Variants in DMXL1 observed in about 807,000 individuals in gnomAD.
DMXL1 encodes Dmx like 1, also known as dmX-like protein 1.
Under a neutral mutation model 319.2 loss-of-function variants are expected in DMXL1, and 99 were observed. The observed-to-expected ratio is 0.31, with a 90% CI of 0.26 to 0.37. The LOEUF (loss-of-function observed/expected upper bound fraction) is 0.37. Ranked by LOEUF, DMXL1 falls within the 10% of genes least tolerant of loss-of-function variation. DMXL1 has a pLI of 1.00. For missense variants in DMXL1, 3,745 were observed against 3,595.6 expected (o/e 1.04, Z -1.06); for synonymous variants, 1,385 against 1,235.2 (o/e 1.12, Z -2.54).
At chr5:119,179,856 A>G (rs1005433380) in intron 28 of DMXL1, among the ~76,000 whole-genome samples, 6 of 152,134 alleles carry the variant, frequency 3.9e-5, no homozygotes, top group Non-Finnish European at 1.5e-5. Context: ...GAATTTCTTT[A>G]TGTATAATAC....
At chr5:119,246,774 C>G (rs979952414) in intron 43 of DMXL1, among the ~76,000 whole-genome samples, 1 of 151,772 alleles carries the variant, frequency 6.6e-6, no homozygotes, top group African/African-American at 2.4e-5. Flanking sequence ...GCTGGGATTA[C>G]AGGCATGTGC....
At chr5:119,174,887 C>T (rs1775487201) in intron 25 of DMXL1, among the ~76,000 whole-genome samples, 1 of 152,140 alleles carries the variant, frequency 6.6e-6, no homozygotes. Flanking sequence ...GGTGAACTGT[C>T]AGTTATCAGG....
intron 42 of DMXL1, among the ~76,000 whole-genome samples, 158 bp downstream of exon 42, chr5:119,240,629 A>G (rs1788598495): frequency 6.6e-6 from 1 of 152,178 alleles, no homozygotes; most frequent in Non-Finnish European, 1.5e-5. Flanking sequence ...AAGATGCAAT[A>G]TACGTAATTA....
chr5:119,105,040 T>C (rs931866854), intron 3 of DMXL1, 140 bp from the exon 4 acceptor site: 3 of 589,684 alleles, frequency 5.1e-6, no homozygotes, highest in African/African-American at 1.9e-5. Flanking sequence ...TGTTCTCTAT[T>C]TTTGTTGACT....
At chr5:119,083,363 A>G (rs1189980695) in intron 1 of DMXL1, among the ~76,000 whole-genome samples, 1 of 152,152 alleles carries the variant, frequency 6.6e-6, no homozygotes, top group African/African-American at 2.4e-5. Context: ...TTCATTGTGT[A>G]CATATACTAC....
intron 10 of DMXL1, among the ~76,000 whole-genome samples, chr5:119,130,957 T>G (rs1377224644): frequency 6.6e-6 from 1 of 152,088 alleles, no homozygotes; most frequent in Non-Finnish European, 1.5e-5. Flanking sequence ...TGTATCTAAA[T>G]ATATGCTTTA....
chr5:119,080,017 T>C (rs1298794903), intron 1 of DMXL1, among the ~76,000 whole-genome samples: 1 of 152,220 alleles, frequency 6.6e-6, no homozygotes, highest in Non-Finnish European at 1.5e-5. Flanking sequence ...ATATTGATAA[T>C]TTTAAATACC....
In DMXL1 at chr5:119,110,423, A is replaced by T. The variant is rs574671004; in HGVS notation, c.497+140A>T. 1.0e-4 allele frequency: 72 copies of T among 695,136 alleles called. No homozygotes were observed. The African/African-American group carries it at 1.3e-3, about 13-fold the overall frequency. 43.1% of individuals were successfully genotyped at this position (695,136 alleles called of 1,614,324 possible). On this transcript the variant is annotated intron_variant, in intron 5 of 43. Coordinates refer to ENST00000539542, the MANE Select transcript of DMXL1 (RefSeq NM_001290321.3). ...CTATGATATGCTTTTTCTTATACACAGATAATTCTCTATTTCCCGTGTTCT... is the reference window on the plus strand; with the variant it reads ...CTATGATATGCTTTTTCTTATACACTGATAATTCTCTATTTCCCGTGTTCT...
At position 119,101,880 on chromosome 5, in the gene DMXL1, T is replaced by C. The variant is rs142874529; in HGVS notation, c.214-55T>C. 2,919 of 1,202,804 alleles carry C rather than the reference T, an allele frequency of 2.4e-3. 29 individuals are homozygous for C. In the Admixed American group the frequency reaches 0.027, roughly 11 times the overall value. 74.5% of individuals were successfully genotyped at this position (1,202,804 alleles called of 1,614,324 possible). A position where few individuals can be genotyped will look rare whatever the true frequency, so the allele number is the denominator to read the frequency against. Reference sequence around the variant, plus strand: ...ATAGTATTCATTTCTTTGCTTTTTTTGATTCATAAGTAAGTTAACATATCC... The same window carrying C: ...ATAGTATTCATTTCTTTGCTTTTTTCGATTCATAAGTAAGTTAACATATCC... On this transcript the variant is annotated intron_variant, in intron 2 of 43. Coordinates refer to ENST00000539542, the MANE Select transcript of DMXL1 (RefSeq NM_001290321.3).
Position 119,229,517 on chromosome 5 carries a change from G to C in DMXL1, c.8339-3823G>C, listed in dbSNP as rs1347448149. On this transcript the variant is annotated intron_variant, in intron 38 of 43. Transcript: ENST00000539542. Reference sequence around the variant, plus strand: ...TCCAAATTCCTCTTACACAAACCCTGTATAGCATTCTCGTATCCATGCATA... The same window carrying C: ...TCCAAATTCCTCTTACACAAACCCTCTATAGCATTCTCGTATCCATGCATA... Among the ~76,000 whole-genome samples, 3 of 152,134 alleles carry C rather than the reference G, an allele frequency of 2.0e-5. No homozygotes were observed. The East Asian group carries it at 5.8e-4, about 29-fold the overall frequency.
intron 18 of DMXL1, among the ~76,000 whole-genome samples, 192 bp from the exon 19 acceptor site, chr5:119,151,737 T>C (rs746937706): frequency 6.6e-6 from 1 of 152,224 alleles, no homozygotes; most frequent in African/African-American, 2.4e-5. Flanking sequence ...TTATTCTCTT[T>C]ATTATTTTTC....
chr5:119,209,631 A>T (rs1443430290), intron 34 of DMXL1, among the ~76,000 whole-genome samples: 2 of 152,008 alleles, frequency 1.3e-5, no homozygotes, highest in East Asian at 3.9e-4. Flanking sequence ...TACAGGTGTG[A>T]CCCACCATGC....
At chr5:119,142,973 G>C (rs936917390) in intron 13 of DMXL1, among the ~76,000 whole-genome samples, 1 of 152,172 alleles carries the variant, frequency 6.6e-6, no homozygotes, top group Non-Finnish European at 1.5e-5. Context: ...AAACTAACAG[G>C]AATAGAAAAC....
At chr5:119,200,266 G>C (rs1780455254) in intron 32 of DMXL1, among the ~76,000 whole-genome samples, 1 of 152,086 alleles carries the variant, frequency 6.6e-6, no homozygotes, top group African/African-American at 2.4e-5. Flanking sequence ...TGCAAGGAAG[G>C]CATTCAGTTT....
At chr5:119,234,175 C>A (rs1043142108) in intron 39 of DMXL1, among the ~76,000 whole-genome samples, 3 of 152,056 alleles carry the variant, frequency 2.0e-5, no homozygotes, top group Non-Finnish European at 2.9e-5. Flanking sequence ...AAACTGCCCC[C>A]CTCCCCACTT....
chr5:119,173,282 G>A (rs1209932694), intron 25 of DMXL1, among the ~76,000 whole-genome samples: 1 of 151,340 alleles, frequency 6.6e-6, no homozygotes, highest in African/African-American at 2.4e-5. Flanking sequence ...AGAGGTTGCG[G>A]TGAGCCAAGA....
chr5:119,220,730 G>A (rs1350282523), intron 36 of DMXL1, 137 bp downstream of exon 36: 7 of 1,216,348 alleles, frequency 5.8e-6, no homozygotes, highest in Non-Finnish European at 7.9e-6. Context: ...TAAATGAGGG[G>A]TGGCAAGAGC....
intron 7 of DMXL1, among the ~76,000 whole-genome samples, chr5:119,118,068 T>C (rs1248842243): frequency 6.6e-6 from 1 of 152,222 alleles, no homozygotes; most frequent in East Asian, 1.9e-4. Context: ...TGAGCTCTTG[T>C]TGCTTGTTGG....
Position 119,170,864 on chromosome 5 carries a change from G to T in DMXL1, c.6073G>T (p.Ala2025Ser). 6.2e-7 allele frequency: 1 copy of T among 1,612,000 alleles called. No individual in the cohort carries two copies. Among genetic ancestry groups the T allele is most frequent in the African/African-American group, 1.3e-5 (1 of 74,394 alleles). Reference protein sequence around the residue: ...DLLNPSEDIIAVQLKFRACLK... With the variant: ...DLLNPSEDIISVQLKFRACLK... ...TTTAAATCCATCAGAAGATATAATT[G>T]CAGTTCAGTTAAAATTTAGAGCATG... The change falls in exon 24 of 44, where the codon GCA becomes TCA. Residue 2025 changes from alanine to serine, a missense_variant. By Grantham distance (99) the Ala-to-Ser change is moderately conservative. Transcript: ENST00000539542.
Sources: allele counts gnomAD v4.1 joint callset (sites outside exome capture counted in the v4.1 genomes callset), GRCh38; gene constraint gnomAD v4.1.1; transcripts MANE v1.5; gene names NCBI Gene and HGNC (gene_info 2026-07-23, HGNC 2026-07-21).